FOXD2: variants seen among roughly 807,000 people sequenced by gnomAD.
The protein encoded by FOXD2 is forkhead box protein D2.
Under a neutral mutation model 6.4 loss-of-function variants are expected in FOXD2, and 4 were observed. That is an observed-to-expected ratio of 0.62 (90% CI 0.31 to 1.42). The LOEUF (loss-of-function observed/expected upper bound fraction) is 1.42, where lower values mean the gene tolerates loss of function less well. Among genes scored for constraint, FOXD2 ranks in the 40% most tolerant of loss-of-function variants. FOXD2 has a pLI of 0.08. For synonymous variants in FOXD2, 393 were observed against 373.6 expected (o/e 1.05, Z -0.60); for missense variants, 709 against 766.8 (o/e 0.92, Z 0.89).
In FOXD2 at chr1:47,438,229, G is replaced by T; in HGVS notation, c.94G>T (p.Gly32Cys). The change falls in exon 1 of 1, where the codon GGC (glycine) becomes TGC (cysteine). Residue 32 changes from glycine (G) to cysteine (C), a missense_variant. By Grantham distance (159) the Gly-to-Cys change is radical (BLOSUM62 -3). This residue lies in a region of FOXD2 where 220 missense variants were observed against 199.2 expected (regional missense o/e 1.10). Coordinates refer to ENST00000334793, the MANE Select transcript of FOXD2 (RefSeq NM_004474.4). ...EADADIDVVG[G>C]GSGGGELPAR... Reference sequence around the variant, plus strand: ...CGACGCAGACATAGACGTGGTGGGCGGCGGCAGCGGCGGGGGGGAGCTCCC... The same window carrying T: ...CGACGCAGACATAGACGTGGTGGGCTGCGGCAGCGGCGGGGGGGAGCTCCC... 1 of 1,405,914 alleles carries T rather than the reference G, an allele frequency of 7.1e-7. No homozygotes were observed. The highest frequency in any genetic ancestry group is 9.2e-7 in the Non-Finnish European group (1 of 1,084,426). 87.1% of individuals were successfully genotyped at this position (1,405,914 alleles called of 1,614,324 possible).
In FOXD2 at chr1:47,439,659, C is replaced by T. The variant is rs1646997481; in HGVS notation, c.*36C>T. On this transcript the variant is annotated 3_prime_UTR_variant, in exon 1 of 1. Coordinates refer to ENST00000334793, the MANE Select transcript of FOXD2 (RefSeq NM_004474.4). Reference sequence around the variant, plus strand: ...CCCAGGGCCGGTTAGGTCCGCACTCCTCAGCCTCTCCCGGGAGTTCCTGCG... The same window carrying T: ...CCCAGGGCCGGTTAGGTCCGCACTCTTCAGCCTCTCCCGGGAGTTCCTGCG... The T allele has an allele frequency of 3.3e-6, 5 of 1,519,406 alleles. No individual in the cohort carries two copies. The highest frequency in any genetic ancestry group is 4.4e-6 in the Non-Finnish European group (5 of 1,128,806). The allele number at this position is 1,519,406 out of a possible 1,614,324, so 94.1% of individuals were successfully genotyped here.
In FOXD2 at chr1:47,439,232, T is replaced by C; in HGVS notation, c.1097T>C (p.Phe366Ser). Reference protein sequence around the residue: ...LGAELGCAKAFYAASLSPPAA... With the variant: ...LGAELGCAKASYAASLSPPAA... The stretch of plus-strand genomic sequence containing the variant: ...GCGGAGCTGGGCTGCGCCAAAGCCT[T>C]CTACGCGGCGTCCCTGAGTCCTCCC... Residue 366 changes from phenylalanine (F) to serine (S), a missense_variant, in exon 1 of 1, where the codon TTC becomes TCC. Physicochemically the swap from Phe to Ser is radical, Grantham distance 155. Coordinates refer to ENST00000334793, the MANE Select transcript of FOXD2 (RefSeq NM_004474.4). The C allele has an allele frequency of 6.7e-7, 1 of 1,495,992 alleles. No homozygotes were observed. The highest frequency in any genetic ancestry group is 8.8e-7 in the Non-Finnish European group (1 of 1,134,682). The allele number at this position is 1,495,992 out of a possible 1,614,324, so 92.7% of individuals were successfully genotyped here.
rs1369107949 is a variant in FOXD2 at position 47,439,192 on chromosome 1, C to T, written c.1057C>T (p.Pro353Ser). 4 of 1,443,618 alleles carry T rather than the reference C, an allele frequency of 2.8e-6. No individual in the cohort carries two copies. The highest frequency in any genetic ancestry group is 6.0e-5 in the East Asian group (2 of 33,256). The allele number at this position is 1,443,618 out of a possible 1,614,324, so 89.4% of individuals were successfully genotyped here. ...SGPGPGPAGL[P>S]AFLGAELGCA... ...CCCGGGCCCGGGCCCCGCAGGCCTG[C>T]CCGCCTTCCTGGGCGCGGAGCTGGG... The change falls in exon 1 of 1, where the codon CCC becomes TCC. Residue 353 changes from proline (P) to serine (S), a missense_variant. By Grantham distance (74) the Pro-to-Ser change is moderately conservative. Transcript: ENST00000334793.
Position 47,439,607 on chromosome 1 carries a change from G to A in FOXD2, c.1472G>A (p.Ser491Asn). The change falls in exon 1 of 1, where the codon AGT (serine) becomes AAT (asparagine). Residue 491 changes from serine to asparagine, a missense_variant. Physicochemically the swap from Ser to Asn is conservative, Grantham distance 46. Transcript: ENST00000334793. Reference sequence around the variant, plus strand: ...TTTGCCAGCAAAGTCGCCGGCCTTAGTGGCTGCCACTTCTGACCGCAGCAG... The same window carrying A: ...TTTGCCAGCAAAGTCGCCGGCCTTAATGGCTGCCACTTCTGACCGCAGCAG... ...SRFASKVAGL[S>N]GCHF The A allele has an allele frequency of 6.4e-7, 1 of 1,553,570 alleles. No individual in the cohort carries two copies. The highest frequency in any genetic ancestry group is 8.7e-7 in the Non-Finnish European group (1 of 1,149,134).
In FOXD2 at chr1:47,438,467, G is replaced by A; in HGVS notation, c.332G>A (p.Gly111Glu). ...AAAARGAAGPGPGPPSGGAAT... is the reference protein window; with the variant it reads ...AAAARGAAGPEPGPPSGGAAT... Reference sequence around the variant, plus strand: ...GCGGCCCGCGGCGCAGCGGGGCCCGGGCCGGGACCGCCGTCGGGGGGCGCG... The same window carrying A: ...GCGGCCCGCGGCGCAGCGGGGCCCGAGCCGGGACCGCCGTCGGGGGGCGCG... Residue 111 changes from glycine to glutamate, a missense_variant, in exon 1 of 1, where the codon GGG becomes GAG. Transcript: ENST00000334793. The A allele has an allele frequency of 6.7e-7, 1 of 1,485,294 alleles. No individual in the cohort carries two copies. Among genetic ancestry groups the A allele is most frequent in the Non-Finnish European group, 9.0e-7 (1 of 1,111,180 alleles). The allele number at this position is 1,485,294 out of a possible 1,614,324, so 92.0% of individuals were successfully genotyped here.
At position 47,438,828 on chromosome 1, in the gene FOXD2, G is replaced by T; in HGVS notation, c.693G>T (p.Pro231=). 6.2e-7 allele frequency: 1 copy of T among 1,611,570 alleles called. No individual in the cohort carries two copies. Residue 231 remains proline, a synonymous_variant, in exon 1 of 1, where the codon CCG becomes CCT. Coordinates refer to ENST00000334793, the MANE Select transcript of FOXD2 (RefSeq NM_004474.4). ...TCAAGCGGCAGCCCCTGCCGCCGCC[G>T]CACCCACACCCGCACCCTCACCCGG... ...KRFKRQPLPP[P]HPHPHPHPEL... is the part of the protein sequence containing the mutation.
In FOXD2 at chr1:47,439,180, C is replaced by G; in HGVS notation, c.1045C>G (p.Pro349Ala). The change falls in exon 1 of 1, where the codon CCC (proline) becomes GCC (alanine). Residue 349 changes from proline to alanine, a missense_variant. Coordinates refer to ENST00000334793, the MANE Select transcript of FOXD2 (RefSeq NM_004474.4). ...PASGSGPGPG[P>A]AGLPAFLGAE... Reference sequence around the variant, plus strand: ...CTCAGGCTCGGGCCCGGGCCCGGGCCCCGCAGGCCTGCCCGCCTTCCTGGG... The same window carrying G: ...CTCAGGCTCGGGCCCGGGCCCGGGCGCCGCAGGCCTGCCCGCCTTCCTGGG... 7.0e-7 allele frequency: 1 copy of G among 1,435,898 alleles called. No homozygotes were observed. 88.9% of individuals were successfully genotyped at this position (1,435,898 alleles called of 1,614,324 possible).
rs1214075224 is a variant in FOXD2 at position 47,439,414 on chromosome 1, C to A, written c.1279C>A (p.Pro427Thr). 2.5e-5 allele frequency: 39 copies of A among 1,539,474 alleles called. No homozygotes were observed. Among genetic ancestry groups the A allele is most frequent in the African/African-American group, 4.1e-5 (3 of 72,972 alleles). Residue 427 changes from proline to threonine, a missense_variant, in exon 1 of 1, where the codon CCC becomes ACC. Pro to Thr is a conservative substitution (Grantham distance 38). Transcript: ENST00000334793. ...GGGCCACGGTGGCGGCGGGGCAGCA[C>A]CCCCGGGCGCCGGCGAGGGCTCTCC... The part of the protein sequence containing the change: ...IMGHGGGGAA[P>T]PGAGEGSPGP...
rs3834075 is a variant in FOXD2 at position 47,439,883 on chromosome 1, A to AG, written c.*266dup. The stretch of plus-strand genomic sequence containing the variant: ...TCTTTACAGTTTGAGAAATAAAAGC[A>AG]GGGGGGTGGGGGCTTCGTTTTTTTC... On this transcript the variant is annotated 3_prime_UTR_variant, in exon 1 of 1. Transcript: ENST00000334793. 4.6e-6 allele frequency: 2 copies of AG among 432,248 alleles called. No homozygotes were observed. Among genetic ancestry groups the AG allele is most frequent in the African/African-American group, 2.1e-5 (1 of 46,946 alleles). The allele number at this position is 432,248 out of a possible 1,614,324, so 26.8% of individuals were successfully genotyped here.
rs1435558428 is a variant in FOXD2 at position 47,438,965 on chromosome 1, A to G, written c.830A>G (p.Tyr277Cys). 2.0e-6 allele frequency: 3 copies of G among 1,487,518 alleles called. No homozygotes were observed. Among genetic ancestry groups the G allele is most frequent in the Admixed American group, 4.7e-5 (2 of 42,548 alleles). The allele number at this position is 1,487,518 out of a possible 1,614,324, so 92.1% of individuals were successfully genotyped here. A position where few individuals can be genotyped will look rare whatever the true frequency, so the allele number is the denominator to read the frequency against. ...GGCTACGGGCTGGCTCTCCCGGCCTACGGCGCACCCCCGCCGGGGCCGGCC... is the reference window on the plus strand; with the variant it reads ...GGCTACGGGCTGGCTCTCCCGGCCTGCGGCGCACCCCCGCCGGGGCCGGCC... The part of the protein sequence containing the change: ...GYGYGLALPA[Y>C]GAPPPGPAPH... The change falls in exon 1 of 1, where the codon TAC becomes TGC. Residue 277 changes from tyrosine to cysteine, a missense_variant. Physicochemically the swap from Tyr to Cys is radical, Grantham distance 194. This residue lies in a region of FOXD2 where 98 missense variants were observed against 91.0 expected (regional missense o/e 1.08). Transcript: ENST00000334793.
rs1386691754 is a variant in FOXD2 at position 47,439,658 on chromosome 1, C to T, written c.*35C>T. 6.6e-7 allele frequency: 1 copy of T among 1,521,082 alleles called. No individual in the cohort carries two copies. 94.2% of individuals were successfully genotyped at this position (1,521,082 alleles called of 1,614,324 possible). A position where few individuals can be genotyped will look rare whatever the true frequency, so the allele number is the denominator to read the frequency against. On this transcript the variant is annotated 3_prime_UTR_variant, in exon 1 of 1. Coordinates refer to ENST00000334793, the MANE Select transcript of FOXD2 (RefSeq NM_004474.4). ...GCCCAGGGCCGGTTAGGTCCGCACTCCTCAGCCTCTCCCGGGAGTTCCTGC... is the reference window on the plus strand; with the variant it reads ...GCCCAGGGCCGGTTAGGTCCGCACTTCTCAGCCTCTCCCGGGAGTTCCTGC...
In FOXD2 at chr1:47,438,983, G is replaced by T. The variant is rs1306062060; in HGVS notation, c.848G>T (p.Gly283Val). Residue 283 changes from glycine to valine, a missense_variant, in exon 1 of 1, where the codon GGG becomes GTG. This residue lies in a region of FOXD2 where 98 missense variants were observed against 91.0 expected (regional missense o/e 1.08). Transcript: ENST00000334793. Reference sequence around the variant, plus strand: ...CCGGCCTACGGCGCACCCCCGCCGGGGCCGGCCCCGCATCCGCACCCGCAC... The same window carrying T: ...CCGGCCTACGGCGCACCCCCGCCGGTGCCGGCCCCGCATCCGCACCCGCAC... ...ALPAYGAPPPGPAPHPHPHPH... is the reference protein window; with the variant it reads ...ALPAYGAPPPVPAPHPHPHPH... The T allele has an allele frequency of 7.1e-7, 1 of 1,406,910 alleles. No individual in the cohort carries two copies. Among genetic ancestry groups the T allele is most frequent in the Admixed American group, 3.2e-5 (1 of 31,282 alleles). The allele number at this position is 1,406,910 out of a possible 1,614,324, so 87.2% of individuals were successfully genotyped here.
At position 47,438,999 on chromosome 1, in the gene FOXD2, G is replaced by GCACCCA. The variant is rs776656259; in HGVS notation, c.869_870insACACCC (p.Pro292_His293dup). ...CCCCGCCGGGGCCGGCCCCGCATCC[G>GCACCCA]CACCCGCACCCGCACGCCTTCGCTT... On this transcript the variant is annotated inframe_insertion, in exon 1 of 1. Coordinates refer to ENST00000334793, the MANE Select transcript of FOXD2 (RefSeq NM_004474.4). 5.9e-4 allele frequency: 845 copies of GCACCCA among 1,424,502 alleles called. 19 individuals carry two copies. In the South Asian group the frequency reaches 0.011, roughly 19 times the overall value. The allele number at this position is 1,424,502 out of a possible 1,614,324, so 88.2% of individuals were successfully genotyped here. A position where few individuals can be genotyped will look rare whatever the true frequency, so the allele number is the denominator to read the frequency against.
rs777396034 is a variant in FOXD2, at chr1:47,438,910, G to A, written c.775G>A (p.Gly259Ser). 3 of 1,543,032 alleles carry A rather than the reference G, an allele frequency of 1.9e-6. No homozygotes were observed. Among genetic ancestry groups the A allele is most frequent in the East Asian group, 2.5e-5 (1 of 39,840 alleles). ...AAGDPGAFLP[G>S]FAAYGAYGYG... The stretch of plus-strand genomic sequence containing the variant: ...GGGGGATCCCGGCGCTTTCCTGCCC[G>A]GCTTCGCTGCCTACGGCGCCTACGG... The change falls in exon 1 of 1, where the codon GGC (glycine) becomes AGC (serine). Residue 259 changes from glycine to serine, a missense_variant. Physicochemically the swap from Gly to Ser is moderately conservative, Grantham distance 56. Coordinates refer to ENST00000334793, the MANE Select transcript of FOXD2 (RefSeq NM_004474.4).
In FOXD2 at chr1:47,439,261, G is replaced by A. The variant is rs773521758; in HGVS notation, c.1126G>A (p.Ala376Thr). 1.3e-6 allele frequency: 2 copies of A among 1,505,064 alleles called. No homozygotes were observed. Among genetic ancestry groups the A allele is most frequent in the Non-Finnish European group, 1.8e-6 (2 of 1,138,698 alleles). 93.2% of individuals were successfully genotyped at this position (1,505,064 alleles called of 1,614,324 possible). A position where few individuals can be genotyped will look rare whatever the true frequency, so the allele number is the denominator to read the frequency against. The change falls in exon 1 of 1, where the codon GCC (alanine) becomes ACC (threonine). Residue 376 changes from alanine (A) to threonine (T), a missense_variant. Physicochemically the swap from Ala to Thr is moderately conservative, Grantham distance 58. This residue lies in a region of FOXD2 where 322 missense variants were observed against 313.8 expected (regional missense o/e 1.03). Coordinates refer to ENST00000334793, the MANE Select transcript of FOXD2 (RefSeq NM_004474.4). ...FYAASLSPPAAGTAAGLPTAL... is the reference protein window; with the variant it reads ...FYAASLSPPATGTAAGLPTAL... ...CGCGGCGTCCCTGAGTCCTCCCGCA[G>A]CCGGCACCGCGGCGGGTCTGCCCAC...
Position 47,438,056 on chromosome 1 carries a change from C to T in FOXD2, c.-80C>T, listed in dbSNP as rs76772223. 3.3e-4 allele frequency: 413 copies of T among 1,246,474 alleles called. 3 individuals are homozygous for T. The East Asian group carries it at 0.013, about 39-fold the overall frequency. 77.2% of individuals were successfully genotyped at this position (1,246,474 alleles called of 1,614,324 possible). On this transcript the variant is annotated 5_prime_UTR_variant, in exon 1 of 1. Transcript: ENST00000334793. ...TCCCCGCCCGCGCGCAAAACGCACT[C>T]GCCCCAGAGGCAGCGCGGCCGAGCC... is the stretch of plus-strand genomic sequence containing the variant.
Position 47,439,200 on chromosome 1 carries a change from CCTGGGCGCGGAG to C in FOXD2, c.1072_1083del (p.Ala358_Gly361del). The C allele has an allele frequency of 6.9e-7, 1 of 1,446,110 alleles. No homozygotes were observed. The allele number at this position is 1,446,110 out of a possible 1,614,324, so 89.6% of individuals were successfully genotyped here. A position where few individuals can be genotyped will look rare whatever the true frequency, so the allele number is the denominator to read the frequency against. ...CGGGCCCCGCAGGCCTGCCCGCCTTCCTGGGCGCGGAGCTGGGCTGCGCCAAAGCCTTCTACG... is the reference window on the plus strand; with the variant it reads ...CGGGCCCCGCAGGCCTGCCCGCCTTCCTGGGCTGCGCCAAAGCCTTCTACG... On this transcript the variant is annotated inframe_deletion, in exon 1 of 1. Coordinates refer to ENST00000334793, the MANE Select transcript of FOXD2 (RefSeq NM_004474.4).
At position 47,438,998 on chromosome 1, in the gene FOXD2, C is replaced by CGCACCT. The variant is rs1340801963; in HGVS notation, c.868_869insTGCACC (p.His289_Pro290insLeuHis). 2.8e-6 allele frequency: 4 copies of CGCACCT among 1,422,972 alleles called. No individual in the cohort carries two copies. Among genetic ancestry groups the CGCACCT allele is most frequent in the Admixed American group, 3.0e-5 (1 of 33,558 alleles). The allele number at this position is 1,422,972 out of a possible 1,614,324, so 88.1% of individuals were successfully genotyped here. A position where few individuals can be genotyped will look rare whatever the true frequency, so the allele number is the denominator to read the frequency against. The stretch of plus-strand genomic sequence containing the variant: ...CCCCCGCCGGGGCCGGCCCCGCATC[C>CGCACCT]GCACCCGCACCCGCACGCCTTCGCT... On this transcript the variant is annotated inframe_insertion, in exon 1 of 1. Transcript: ENST00000334793.
In FOXD2 at chr1:47,438,672, C is replaced by T. The variant is rs766279635; in HGVS notation, c.537C>T (p.Leu179=). The change falls in exon 1 of 1, where the codon CTC becomes CTT. Residue 179 remains leucine, a synonymous_variant. Coordinates refer to ENST00000334793, the MANE Select transcript of FOXD2 (RefSeq NM_004474.4). ...GGCAGAACAGCATCCGCCACAACCT[C>T]TCTCTCAACGACTGCTTCGTCAAGA... The part of the protein sequence containing the change: ...PAWQNSIRHN[L]SLNDCFVKIP... The T allele has an allele frequency of 9.3e-6, 15 of 1,614,070 alleles. No homozygotes were observed. The East Asian group carries it at 1.1e-4, about 12-fold the overall frequency.
Sources: allele counts gnomAD v4.1 joint callset, GRCh38; gene constraint gnomAD v4.1.1; regional missense constraint gnomAD v4.1.1; transcripts MANE v1.5; gene names NCBI Gene and HGNC (gene_info 2026-07-23, HGNC 2026-07-21).